Variants in CRISPLD2 observed in about 807,000 individuals in gnomAD.
The protein encoded by CRISPLD2 is cysteine-rich secretory protein LCCL domain-containing 2.
In CRISPLD2, 47 loss-of-function variants were observed where a neutral mutation model predicts 71.1. That is an observed-to-expected ratio of 0.66 (90% CI 0.52 to 0.84). The LOEUF (loss-of-function observed/expected upper bound fraction) is 0.84. Among genes scored for constraint, CRISPLD2 ranks in the 40% least tolerant of loss-of-function variants. The pLI is 0.00. For missense variants in CRISPLD2, 830 were observed against 651.1 expected (o/e 1.27, Z -2.99); for synonymous variants, 317 against 250.1 (o/e 1.27, Z -2.52).
At chr16:84,861,998 C>G (rs919363219) in intron 6 of CRISPLD2, among the ~76,000 whole-genome samples, 1 of 152,200 alleles carries the variant, frequency 6.6e-6, no homozygotes, top group African/African-American at 2.4e-5. Flanking sequence ...AATGAGCTCA[C>G]TAGTGGGAAG....
At chr16:84,868,452 T>TC (rs1358271421) in intron 7 of CRISPLD2, among the ~76,000 whole-genome samples, 2 of 152,102 alleles carry the variant, frequency 1.3e-5, no homozygotes, top group Non-Finnish European at 2.9e-5. Context: ...CGGAGCAGCA[T>TC]CCTCCCTACC....
chr16:84,892,787 C>T (rs1471569461), intron 14 of CRISPLD2, among the ~76,000 whole-genome samples: 1 of 151,836 alleles, frequency 6.6e-6, no homozygotes. Flanking sequence ...ACCAGCCTGA[C>T]CAACATGGTG....
chr16:84,892,601 C>T (rs911829770), intron 14 of CRISPLD2, among the ~76,000 whole-genome samples: 1 of 152,026 alleles, frequency 6.6e-6, no homozygotes, highest in Non-Finnish European at 1.5e-5. Context: ...ATCCTGAGCC[C>T]GTTTGGAGAT....
intron 3 of CRISPLD2, among the ~76,000 whole-genome samples, chr16:84,848,312 A>G (rs1916972381): frequency 6.6e-6 from 1 of 151,966 alleles, no homozygotes; most frequent in Admixed American, 6.6e-5. Flanking sequence ...TTGTTACAAG[A>G]CCTCTAACTG....
chr16:84,897,345 G>A (rs2143373350), intron 14 of CRISPLD2, among the ~76,000 whole-genome samples: 1 of 151,574 alleles, frequency 6.6e-6, no homozygotes, highest in East Asian at 1.9e-4. Flanking sequence ...CCAGGTACTT[G>A]GGAGGCTGAG....
In CRISPLD2 at chr16:84,844,301, G is replaced by C. The variant is rs72799560; in HGVS notation, c.241-1485G>C. Among the ~76,000 whole-genome samples the C allele has an allele frequency of 7.6e-3, 1,157 of 152,332 alleles. 7 individuals carry two copies. Among genetic ancestry groups the C allele is most frequent in the Non-Finnish European group, 0.012 (813 of 68,030 alleles). On this transcript the variant is annotated intron_variant, in intron 2 of 14. Transcript: ENST00000262424. Reference sequence around the variant, plus strand: ...GATGGGCCGTGCTGGGAGGTGAGCAGGGCTGGGCAAGCTGAAGACGTCTCT... The same window carrying C: ...GATGGGCCGTGCTGGGAGGTGAGCACGGCTGGGCAAGCTGAAGACGTCTCT...
intron 14 of CRISPLD2, among the ~76,000 whole-genome samples, chr16:84,890,212 A>T (rs2071649302): frequency 6.6e-6 from 1 of 151,730 alleles, no homozygotes; most frequent in East Asian, 1.9e-4. Context: ...ACAAAAAATT[A>T]GCCAGGCGTG....
intron 1 of CRISPLD2, among the ~76,000 whole-genome samples, chr16:84,825,834 G>A (rs1387785878): frequency 6.6e-6 from 1 of 151,996 alleles, no homozygotes; most frequent in Non-Finnish European, 1.5e-5. Context: ...AGCCGTGGTA[G>A]GGCACACCTG....
At chr16:84,848,225 T>C (rs1350979178) in intron 3 of CRISPLD2, among the ~76,000 whole-genome samples, 2 of 152,202 alleles carry the variant, frequency 1.3e-5, no homozygotes, top group East Asian at 3.9e-4. Flanking sequence ...AGCCCTCTGC[T>C]CCTGCCTCCT....
At chr16:84,866,280 C>T (rs1473165594) in intron 6 of CRISPLD2, among the ~76,000 whole-genome samples, 2 of 150,760 alleles carry the variant, frequency 1.3e-5, no homozygotes, top group African/African-American at 4.9e-5. Context: ...GTCACACAGG[C>T]TGGACTGCAA....
intron 6 of CRISPLD2, among the ~76,000 whole-genome samples, chr16:84,858,650 G>T (rs1044864503): frequency 7.9e-5 from 12 of 152,234 alleles, no homozygotes; most frequent in Admixed American, 3.3e-4. Flanking sequence ...TCTTGCAGAA[G>T]CGAAAGCAAT....
At chr16:84,883,827 C>A (rs529230465) in intron 13 of CRISPLD2, among the ~76,000 whole-genome samples, 7 of 151,446 alleles carry the variant, frequency 4.6e-5, no homozygotes, top group Admixed American at 1.3e-4. Flanking sequence ...TGCGTTAAGC[C>A]TGGGGTCTTA....
At position 84,820,039 on chromosome 16, in the gene CRISPLD2, C is replaced by A. The variant is rs978983260; in HGVS notation, c.-169C>A. On this transcript the variant is annotated 5_prime_UTR_variant, in exon 1 of 15. Transcript: ENST00000262424. Reference sequence around the variant, plus strand: ...CCTATTGAGCTGTCTGCTCGCTGTGCCCGCTGTGCCTGCTGTGCCCGCGCT... The same window carrying A: ...CCTATTGAGCTGTCTGCTCGCTGTGACCGCTGTGCCTGCTGTGCCCGCGCT... 1 of 152,424 alleles carries A rather than the reference C, an allele frequency of 6.6e-6. No homozygotes were observed. Among genetic ancestry groups the A allele is most frequent in the Non-Finnish European group, 1.5e-5 (1 of 68,156 alleles). The allele number at this position is 152,424 out of a possible 1,614,324, so 9.4% of individuals were successfully genotyped here. A position where few individuals can be genotyped will look rare whatever the true frequency, so the allele number is the denominator to read the frequency against.
chr16:84,839,791 C>G (rs941141380), intron 2 of CRISPLD2: 1 of 152,156 alleles, frequency 6.6e-6, no homozygotes, highest in African/African-American at 2.4e-5. Flanking sequence ...AAACCCACGT[C>G]CCAGCCTGGG....
chr16:84,876,550 T>A (rs763837587), intron 11 of CRISPLD2, among the ~76,000 whole-genome samples: 2 of 148,302 alleles, frequency 1.3e-5, no homozygotes, highest in Non-Finnish European at 3.0e-5. Flanking sequence ...CTTAGCACTT[T>A]GGGAGGCTGA....
chr16:84,869,786 C>T (rs16974758), intron 8 of CRISPLD2, among the ~76,000 whole-genome samples: 4,998 of 152,350 alleles, frequency 0.033, 267 homozygotes, highest in African/African-American at 0.11. Flanking sequence ...GCTGAGAAGC[C>T]GGAGTTGTCC....
intron 1 of CRISPLD2, among the ~76,000 whole-genome samples, chr16:84,830,922 T>C (rs1282865294): frequency 6.6e-6 from 1 of 152,156 alleles, no homozygotes; most frequent in African/African-American, 2.4e-5. Context: ...TGCTTGAAGT[T>C]GGCCATGGTG....
intron 6 of CRISPLD2, among the ~76,000 whole-genome samples, chr16:84,855,790 A>G (rs1917223370): frequency 6.6e-6 from 1 of 152,234 alleles, no homozygotes; most frequent in South Asian, 2.1e-4. Context: ...TTACACTAAC[A>G]TAATACAACC....
intron 14 of CRISPLD2, among the ~76,000 whole-genome samples, chr16:84,893,257 T>C (rs2968147): frequency 0.42 from 64,451 of 151,986 alleles, 14,745 homozygotes; most frequent in East Asian, 0.67. Context: ...GAGAGGTGTG[T>C]GTCCAGCCCT....
Sources: allele counts gnomAD v4.1 joint callset (sites outside exome capture counted in the v4.1 genomes callset), GRCh38; gene constraint gnomAD v4.1.1; transcripts MANE v1.5; gene names NCBI Gene and HGNC (gene_info 2026-07-23, HGNC 2026-07-21).